The following AIG1 variants were observed in gnomAD, a reference collection of about 807,000 sequenced individuals.
The protein encoded by AIG1 is androgen induced 1.
AIG1 carries 23 observed loss-of-function variants against 31.4 expected under a neutral mutation model. That is an observed-to-expected ratio of 0.73 (90% CI 0.53 to 1.04). AIG1 has a LOEUF of 1.04. AIG1 is among the 50% of genes least tolerant of loss of function. The probability of loss-of-function intolerance (pLI) is 0.00; values close to 1 mark genes in which losing one functional copy is unlikely to be tolerated. For synonymous variants in AIG1, 100 were observed against 110.5 expected, an observed-to-expected ratio of 0.90 and a Z score of 0.60; for missense variants, 274 against 295.0, an observed-to-expected ratio of 0.93 and a Z score of 0.52.
At chr6:143,248,684 T>C (rs1283515360) in intron 3 of AIG1, among the ~76,000 whole-genome samples, 1 of 152,212 alleles carries the variant, frequency 6.6e-6, no homozygotes, top group Non-Finnish European at 1.5e-5. Context: ...TTCCGTTACC[T>C]GAATACTTGT....
chr6:143,061,091 C>G, intron 1 of AIG1, 25 bp downstream of exon 1: 3 of 1,609,988 alleles, frequency 1.9e-6, no homozygotes, highest in Non-Finnish European at 2.5e-6. Context: ...TCCCCCTGCT[C>G]GCCCCGCACC....
chr6:143,109,778 G>A (rs1781112443), intron 1 of AIG1, among the ~76,000 whole-genome samples: 1 of 151,984 alleles, frequency 6.6e-6, no homozygotes, highest in Non-Finnish European at 1.5e-5. Context: ...AAAAAAATTT[G>A]TTCATTTTCA....
At chr6:143,106,376 T>G (rs2128487473) in intron 1 of AIG1, among the ~76,000 whole-genome samples, 1 of 152,298 alleles carries the variant, frequency 6.6e-6, no homozygotes, top group Non-Finnish European at 1.5e-5. Flanking sequence ...GACAGTAATT[T>G]CTGTTGTTTA....
intron 3 of AIG1, among the ~76,000 whole-genome samples, chr6:143,212,940 T>C (rs1239302382): frequency 6.6e-6 from 1 of 152,200 alleles, no homozygotes; most frequent in Admixed American, 6.5e-5. Context: ...GCAAAGCCTG[T>C]GCTTATTGTG....
At chr6:143,088,224 T>C (rs561732936) in intron 1 of AIG1, among the ~76,000 whole-genome samples, 13 of 152,274 alleles carry the variant, frequency 8.5e-5, no homozygotes, top group Middle Eastern at 3.4e-3. Flanking sequence ...CTTCTCAACT[T>C]TAGGAGTCTG....
intron 1 of AIG1, among the ~76,000 whole-genome samples, chr6:143,076,418 T>C (rs1184059818): frequency 6.6e-6 from 1 of 152,210 alleles, no homozygotes; most frequent in Non-Finnish European, 1.5e-5. Flanking sequence ...GCATGGTATG[T>C]CTTTTTCCAT....
At chr6:143,066,766 T>C (rs1174125073) in intron 1 of AIG1, among the ~76,000 whole-genome samples, 1 of 152,212 alleles carries the variant, frequency 6.6e-6, no homozygotes, top group African/African-American at 2.4e-5. Context: ...ACACATTTGA[T>C]TGTATTGTCC....
rs1379050158 is a variant in AIG1, at chr6:143,301,262, G to A, written c.515+17037G>A. Among the ~76,000 whole-genome samples the A allele has an allele frequency of 3.3e-5, 5 of 152,206 alleles. No individual in the cohort carries two copies. In the East Asian group the frequency reaches 9.6e-4, roughly 29 times the overall value. On this transcript the variant is annotated intron_variant, in intron 4 of 5. Coordinates refer to ENST00000357847, the MANE Select transcript of AIG1 (RefSeq NM_016108.4). ...ATTAAAGTTAATAATCAGTGCTCTT[G>A]TATAGAAGCTTTATGCCTAACATTG...
rs186743676 is a variant in AIG1 at position 143,271,211 on chromosome 6, C to A, written c.400-12899C>A. Among the ~76,000 whole-genome samples the A allele has an allele frequency of 6.6e-5, 10 of 152,324 alleles. No homozygotes were observed. In the East Asian group the frequency reaches 1.7e-3, roughly 26 times the overall value. ...CACTGAAAAATACATGCCAGTGCATCCCAGCTCCAGAGCACCATCTCAGCC... is the reference window on the plus strand; with the variant it reads ...CACTGAAAAATACATGCCAGTGCATACCAGCTCCAGAGCACCATCTCAGCC... On this transcript the variant is annotated intron_variant, in intron 3 of 5. Transcript: ENST00000357847.
At position 143,256,800 on chromosome 6, in the gene AIG1, T is replaced by C. The variant is rs182059888; in HGVS notation, c.400-27310T>C. ...TAGAAGAAAAAATAAAGTTATATTA[T>C]TTTAAAAACAGTCCAAATTAGCTGG... is the stretch of plus-strand genomic sequence containing the variant. On this transcript the variant is annotated intron_variant, in intron 3 of 5. Coordinates refer to ENST00000357847, the MANE Select transcript of AIG1 (RefSeq NM_016108.4). This position sits in a 1 kb window ranked among gnomAD's most constrained non-coding sequence, Gnocchi z 4.6. Among the ~76,000 whole-genome samples the C allele has an allele frequency of 3.9e-5, 6 of 152,372 alleles. No individual in the cohort carries two copies. Among genetic ancestry groups the C allele is most frequent in the African/African-American group, 1.4e-4 (6 of 41,602 alleles).
chr6:143,306,472 C>CTT (rs1340147508), intron 4 of AIG1, among the ~76,000 whole-genome samples: 4 of 152,094 alleles, frequency 2.6e-5, no homozygotes, highest in Non-Finnish European at 5.9e-5. Flanking sequence ...TTTTATTTTG[C>CTT]CTTCACTTAT....
chr6:143,311,786 T>C (rs941840903), intron 4 of AIG1, among the ~76,000 whole-genome samples: 14 of 151,962 alleles, frequency 9.2e-5, no homozygotes, highest in African/African-American at 3.4e-4. Flanking sequence ...TATCCTTGTT[T>C]GTATGATCTT....
chr6:143,145,709 A>C (rs1161566598), intron 2 of AIG1, among the ~76,000 whole-genome samples: 3 of 152,340 alleles, frequency 2.0e-5, no homozygotes, highest in South Asian at 2.1e-4. Context: ...GCATATTGCT[A>C]CCCAAACAAA....
rs1461713261 is a variant in AIG1 at position 143,340,805 on chromosome 6, G to A, written c.*1129G>A. On this transcript the variant is annotated 3_prime_UTR_variant, in exon 6 of 6. Transcript: ENST00000357847. ...AAACTATTTTACAAAATCTTTGACC[G>A]TAATTATTTTTAAGATGAAAAATAT... Among the ~76,000 whole-genome samples, 1 of 151,934 alleles carries A rather than the reference G, an allele frequency of 6.6e-6. No homozygotes were observed. Among genetic ancestry groups the A allele is most frequent in the Non-Finnish European group, 1.5e-5 (1 of 67,992 alleles).
At chr6:143,204,553 G>C (rs1421570231) in intron 3 of AIG1, among the ~76,000 whole-genome samples, 3 of 152,110 alleles carry the variant, frequency 2.0e-5, no homozygotes, top group Admixed American at 2.0e-4. Context: ...GAAGGCCAGA[G>C]CATCACTTCT....
At chr6:143,230,332 TAA>T (rs1324606110) in intron 3 of AIG1, among the ~76,000 whole-genome samples, 1 of 151,406 alleles carries the variant, frequency 6.6e-6, no homozygotes, top group African/African-American at 2.4e-5. Context: ...GTAAGATAGT[TAA>T]GTTATAACAT....
chr6:143,114,088 A>G (rs906381261), intron 1 of AIG1, among the ~76,000 whole-genome samples: 15 of 152,326 alleles, frequency 9.8e-5, no homozygotes, highest in African/African-American at 3.6e-4. Context: ...ATGTTTTCTT[A>G]ACCTGTTAAA....
At chr6:143,213,698 G>A (rs1791777293) in intron 3 of AIG1, among the ~76,000 whole-genome samples, 1 of 148,562 alleles carries the variant, frequency 6.7e-6, no homozygotes, top group African/African-American at 2.5e-5. Flanking sequence ...TACATTTTTA[G>A]TAGAGACAGG....
At chr6:143,305,735 T>C (rs1799242254) in intron 4 of AIG1, among the ~76,000 whole-genome samples, 1 of 152,164 alleles carries the variant, frequency 6.6e-6, no homozygotes, top group Non-Finnish European at 1.5e-5. Context: ...TAGATGTCTA[T>C]TAGGTCCACT....
Sources: gnomAD v4.1 joint callset for allele counts (sites outside exome capture counted in the v4.1 genomes callset) on GRCh38, gnomAD v4.1.1 for gene constraint, Gnocchi (gnomAD v3.1) non-coding constraint, MANE v1.5 for transcripts, NCBI Gene and HGNC (gene_info 2026-07-23, HGNC 2026-07-21) for gene names.